Variants in PPWD1 observed in about 807,000 individuals in gnomAD.
The protein encoded by PPWD1 is peptidylprolyl isomerase domain and WD repeat-containing protein 1.
A neutral mutation model predicts 68.8 loss-of-function variants in PPWD1; 43 were observed. The ratio of observed to expected loss-of-function variants is 0.62; its 90% confidence interval spans 0.49 to 0.81. The LOEUF is 0.81. Among genes scored for constraint, PPWD1 ranks in the 30% least tolerant of loss-of-function variants. The probability of loss-of-function intolerance (pLI) is 0.00; values close to 1 mark genes in which losing one functional copy is unlikely to be tolerated. For synonymous variants in PPWD1, 232 were observed against 258.7 expected (o/e 0.90, Z 0.99); for missense variants, 672 against 804.8 (o/e 0.83, Z 2.00).
intron 4 of PPWD1, chr5:65,570,415 G>A: frequency 1.4e-6 from 1 of 732,812 alleles, no homozygotes; most frequent in African/African-American, 1.9e-5. Context: ...GGAATATATT[G>A]ATACTAAAAC....
rs1254123131 is a variant in PPWD1 at position 65,570,018 on chromosome 5, T to C, written c.521+20T>C. Reference sequence around the variant, plus strand: ...ACTTGGGTGAGTCTTTTTAAAAGTATATATATTTTAACTTATTGAAGTAAT... The same window carrying C: ...ACTTGGGTGAGTCTTTTTAAAAGTACATATATTTTAACTTATTGAAGTAAT... On this transcript the variant is annotated intron_variant, in intron 4 of 10. Coordinates refer to ENST00000261308, the MANE Select transcript of PPWD1 (RefSeq NM_015342.4). 2 of 1,589,164 alleles carry C rather than the reference T, an allele frequency of 1.3e-6. No individual in the cohort carries two copies. Among genetic ancestry groups the C allele is most frequent in the Non-Finnish European group, 1.7e-6 (2 of 1,163,336 alleles).
rs1753276638 is a variant in PPWD1 at position 65,576,311 on chromosome 5, G to C, written c.970-568G>C. Reference sequence around the variant, plus strand: ...GATGTATTCTGTAGAGAAAGCAGTAGTTCTATTAACCAACCGGGTTTTGTT... The same window carrying C: ...GATGTATTCTGTAGAGAAAGCAGTACTTCTATTAACCAACCGGGTTTTGTT... On this transcript the variant is annotated intron_variant, in intron 5 of 10. Coordinates refer to ENST00000261308, the MANE Select transcript of PPWD1 (RefSeq NM_015342.4). 3 of 983,558 alleles carry C rather than the reference G, an allele frequency of 3.1e-6. No individual in the cohort carries two copies. The South Asian group carries it at 1.4e-4, about 46-fold the overall frequency. 60.9% of individuals were successfully genotyped at this position (983,558 alleles called of 1,614,324 possible).
At chr5:65,576,841 T>C (rs763968281) in intron 5 of PPWD1, 38 bp from the exon 6 acceptor site, 11 of 1,597,716 alleles carry the variant, frequency 6.9e-6, no homozygotes, top group Non-Finnish European at 9.4e-6. Context: ...TAGGTATATG[T>C]ATATAGAGTT....
intron 9 of PPWD1, 23 bp from the exon 10 acceptor site, chr5:65,585,976 G>A: frequency 1.2e-6 from 2 of 1,608,550 alleles, no homozygotes; most frequent in Non-Finnish European, 1.7e-6. Context: ...ACAATGTAAT[G>A]TTTTTGTGTA....
intron 7 of PPWD1, among the ~76,000 whole-genome samples, chr5:65,582,354 A>G (rs1210562874): frequency 1.3e-5 from 2 of 152,168 alleles, no homozygotes; most frequent in African/African-American, 2.4e-5. Context: ...TCTTTCTCCT[A>G]TGCTTCAGGG....
chr5:65,581,577 C>A (rs574830349), intron 7 of PPWD1, among the ~76,000 whole-genome samples: 3 of 152,248 alleles, frequency 2.0e-5, no homozygotes, highest in South Asian at 4.1e-4. Flanking sequence ...CAGAGCAAGA[C>A]CCTATTGCTA....
chr5:65,585,594 G>T (rs1207853487), intron 9 of PPWD1, among the ~76,000 whole-genome samples: 1 of 152,062 alleles, frequency 6.6e-6, no homozygotes, highest in East Asian at 1.9e-4. Flanking sequence ...AGAAACGGCA[G>T]GATGAAAAGT....
At chr5:65,573,098 GTCT>G (rs1463708886) in intron 5 of PPWD1, among the ~76,000 whole-genome samples, 1 of 151,890 alleles carries the variant, frequency 6.6e-6, no homozygotes, top group African/African-American at 2.4e-5. Context: ...TGCCATTTGG[GTCT>G]TCTTTTTATT....
intron 1 of PPWD1, chr5:65,563,968 C>A: frequency 1.2e-6 from 1 of 834,764 alleles, no homozygotes; most frequent in South Asian, 1.6e-5. Flanking sequence ...AATTTCAACT[C>A]TGACACTTCC....
intron 6 of PPWD1, 62 bp downstream of exon 6, chr5:65,577,131 C>A: frequency 6.5e-7 from 1 of 1,541,746 alleles, no homozygotes; most frequent in South Asian, 1.3e-5. Flanking sequence ...TTTCCTCCAT[C>A]ATGGGAACAG....
chr5:65,569,652 C>G lies in PPWD1; in HGVS notation c.320C>G (p.Ala107Gly). ...VCTKTDFIIT[A>G]SHDGHVKFWK... ...TGCAGAACAGATTTTATTATTACTG[C>G]CAGTCATGATGGACATGTCAAGTTC... Residue 107 changes from alanine to glycine, a missense_variant, in exon 3 of 11, where the codon GCC becomes GGC. Ala to Gly is a moderately conservative substitution (Grantham distance 60). This residue lies in a region of PPWD1 where 188 missense variants were observed against 158.6 expected (regional missense o/e 1.19). Coordinates refer to ENST00000261308, the MANE Select transcript of PPWD1 (RefSeq NM_015342.4). 1.3e-6 allele frequency: 2 copies of G among 1,585,796 alleles called. No individual in the cohort carries two copies. The highest frequency in any genetic ancestry group is 1.7e-6 in the Non-Finnish European group (2 of 1,157,318).
chr5:65,578,819 C>CATATATATGTGTATATATATAT (rs1753453418), intron 6 of PPWD1, among the ~76,000 whole-genome samples: 1 of 131,446 alleles, frequency 7.6e-6, no homozygotes, highest in African/African-American at 3.1e-5. Context: ...TATATATATA[C>CATATATATGTGTATATATATAT]TTTTTTTTAA....
At chr5:65,575,117 A>G (rs1753223955) in intron 5 of PPWD1, among the ~76,000 whole-genome samples, 1 of 152,350 alleles carries the variant, frequency 6.6e-6, no homozygotes, top group African/African-American at 2.4e-5. Flanking sequence ...GTGCAGTTGA[A>G]TATCACAGAA....
intron 2 of PPWD1, chr5:65,569,064 GTAAAATTAAC>G: frequency 2.2e-6 from 1 of 454,736 alleles, no homozygotes; most frequent in Non-Finnish European, 4.4e-6. Context: ...TAGAGTTGCT[GTAAAATTAAC>G]TAAGGTAATA....
At chr5:65,574,550 G>A (rs950361257) in intron 5 of PPWD1, among the ~76,000 whole-genome samples, 26 of 139,082 alleles carry the variant, frequency 1.9e-4, no homozygotes, top group African/African-American at 6.8e-4. Context: ...TGCAAGCTCC[G>A]CTTCCCGGGT....
chr5:65,585,102 T>C lies in PPWD1; in HGVS notation c.1614+7T>C. The C allele has an allele frequency of 1.9e-6, 3 of 1,599,794 alleles. No individual in the cohort carries two copies. Among genetic ancestry groups the C allele is most frequent in the Non-Finnish European group, 2.6e-6 (3 of 1,168,242 alleles). On this transcript the variant is annotated splice_region_variant and intron_variant, in intron 9 of 10. Transcript: ENST00000261308. Reference sequence around the variant, plus strand: ...ATTTCACCGTATAATTAAGGTAAGTTACATAAATTTCATGTCATATAAGAA... The same window carrying C: ...ATTTCACCGTATAATTAAGGTAAGTCACATAAATTTCATGTCATATAAGAA...
At chr5:65,566,611 C>G (rs775811610) in intron 1 of PPWD1, among the ~76,000 whole-genome samples, 1 of 152,058 alleles carries the variant, frequency 6.6e-6, no homozygotes. Flanking sequence ...TGAAACAGCT[C>G]GTCATGTTTA....
At chr5:65,569,610 T>A (rs768946248) in intron 2 of PPWD1, 22 bp from the exon 3 acceptor site, 1 of 1,547,428 alleles carries the variant, frequency 6.5e-7, no homozygotes, top group South Asian at 1.2e-5. Context: ...AGAAATTAAC[T>A]TTTAACATTT....
Position 65,577,075 on chromosome 5 carries a change from C to A in PPWD1, c.1160+6C>A. On this transcript the variant is annotated splice_donor_region_variant and intron_variant, in intron 6 of 10. Coordinates refer to ENST00000261308, the MANE Select transcript of PPWD1 (RefSeq NM_015342.4). ...ATAAATGTAGAGACAAACCGGTAAG[C>A]TTTAATATGAGGTATGTTTTTTAAA... is the stretch of plus-strand genomic sequence containing the variant. 1.2e-6 allele frequency: 2 copies of A among 1,604,220 alleles called. No homozygotes were observed. The highest frequency in any genetic ancestry group is 1.7e-6 in the Non-Finnish European group (2 of 1,173,082).
Sources: allele counts gnomAD v4.1 joint callset (sites outside exome capture counted in the v4.1 genomes callset), GRCh38; gene constraint gnomAD v4.1.1; regional missense constraint gnomAD v4.1.1; transcripts MANE v1.5; gene names NCBI Gene and HGNC (gene_info 2026-07-23, HGNC 2026-07-21).